The following ZNF239 variants were observed in gnomAD, a reference collection of about 807,000 sequenced individuals.
ZNF239 encodes zinc finger protein (C2H2) homologous to mouse MOK-2.
ZNF239 carries 16 observed loss-of-function variants against 27.5 expected under a neutral mutation model. The ratio of observed to expected loss-of-function variants is 0.58; its 90% confidence interval spans 0.39 to 0.88. The LOEUF (loss-of-function observed/expected upper bound fraction) is 0.88, where lower values mean the gene tolerates loss of function less well. ZNF239 is among the 40% of genes least tolerant of loss of function. The pLI is 0.00. For missense variants in ZNF239, 527 were observed against 551.9 expected, an observed-to-expected ratio of 0.95 and a Z score of 0.45; for synonymous variants, 199 against 192.6, an observed-to-expected ratio of 1.03 and a Z score of -0.27.
intron 3 of ZNF239, among the ~76,000 whole-genome samples, chr10:43,563,984 T>A (rs186834141): frequency 6.6e-6 from 1 of 152,070 alleles, no homozygotes; most frequent in Non-Finnish European, 1.5e-5. Context: ...ATCTACTTTT[T>A]ACCAGGGCCT....
intron 3 of ZNF239, among the ~76,000 whole-genome samples, chr10:43,561,717 T>C (rs1837264556): frequency 6.6e-6 from 1 of 152,176 alleles, no homozygotes; most frequent in African/African-American, 2.4e-5. Context: ...GGCATGGTGG[T>C]TCATGTCTGT....
intron 3 of ZNF239, among the ~76,000 whole-genome samples, chr10:43,561,823 T>G (rs1248183209): frequency 6.6e-6 from 1 of 150,556 alleles, no homozygotes; most frequent in South Asian, 2.1e-4. Context: ...CTCTACAAAA[T>G]ACAAAACAAA....
At chr10:43,566,289 T>C (rs1455450069) in intron 3 of ZNF239, among the ~76,000 whole-genome samples, 1 of 152,042 alleles carries the variant, frequency 6.6e-6, no homozygotes, top group Non-Finnish European at 1.5e-5. Context: ...ATGACACATT[T>C]TTCAGTGTTT....
At chr10:43,562,848 T>C (rs1837357438) in intron 3 of ZNF239, among the ~76,000 whole-genome samples, 1 of 152,022 alleles carries the variant, frequency 6.6e-6, no homozygotes, top group Non-Finnish European at 1.5e-5. Flanking sequence ...TGGGCTGAAA[T>C]GATTAAATGG....
chr10:43,562,588 T>C (rs867545383), intron 3 of ZNF239, among the ~76,000 whole-genome samples: 1 of 152,194 alleles, frequency 6.6e-6, no homozygotes, highest in Non-Finnish European at 1.5e-5. Flanking sequence ...ACATATTGTC[T>C]GGAGTAGGAA....
At chr10:43,571,252 C>T (rs1379787355) in intron 2 of ZNF239, among the ~76,000 whole-genome samples, 1 of 150,478 alleles carries the variant, frequency 6.6e-6, no homozygotes, top group African/African-American at 2.5e-5. Flanking sequence ...TAGAGCCCAT[C>T]TCTGCTGTAT....
chr10:43,561,334 A>AAAACAAACAAAC lies in ZNF239; in HGVS notation c.-92-3175_-92-3164dup, dbSNP rs10647144. 5.8e-3 allele frequency among the ~76,000 whole-genome samples: 881 copies of AAAACAAACAAAC among 150,958 alleles called. 14 individuals are homozygous for AAAACAAACAAAC. Among genetic ancestry groups the AAAACAAACAAAC allele is most frequent in the South Asian group, 0.026 (124 of 4,754 alleles). On this transcript the variant is annotated intron_variant, in intron 3 of 3. Coordinates refer to ENST00000374446, the MANE Select transcript of ZNF239 (RefSeq NM_001099282.2). ...TTTTAAACCTCAGGACTTCAAGGAAAAAACAAACAAACAAACAAACAAACA... is the reference window on the plus strand; with the variant it reads ...TTTTAAACCTCAGGACTTCAAGGAAAAAACAAACAAACAAACAAACAAACAAACAAACAAACA...
chr10:43,572,831 C>G (rs1359629383), intron 2 of ZNF239, among the ~76,000 whole-genome samples: 1 of 152,122 alleles, frequency 6.6e-6, no homozygotes, highest in Non-Finnish European at 1.5e-5. Context: ...AAAAGTACGA[C>G]TTGGTAATTT....
intron 2 of ZNF239, chr10:43,568,562 G>C: frequency 1.5e-6 from 1 of 662,814 alleles, no homozygotes; most frequent in Non-Finnish European, 1.9e-6. Context: ...TCTAAACTAA[G>C]TAGTTGAACA....
intron 3 of ZNF239, among the ~76,000 whole-genome samples, chr10:43,560,872 A>C (rs1444094562): frequency 1.3e-5 from 2 of 152,110 alleles, no homozygotes; most frequent in East Asian, 3.8e-4. Context: ...CATAATTAAA[A>C]TCCCAGAAAA....
intron 2 of ZNF239, among the ~76,000 whole-genome samples, chr10:43,572,887 G>T (rs777596423): frequency 6.6e-6 from 1 of 152,194 alleles, no homozygotes; most frequent in Admixed American, 6.5e-5. Context: ...TAGTGAAAGA[G>T]AACAAATCAA....
intron 2 of ZNF239, among the ~76,000 whole-genome samples, chr10:43,569,705 GCCTTA>G: frequency 6.6e-6 from 1 of 152,180 alleles, no homozygotes; most frequent in East Asian, 1.9e-4. Flanking sequence ...TATAACTTAT[GCCTTA>G]CCTTATTTTC....
chr10:43,558,934 GATGT>G (rs1253294852), intron 3 of ZNF239, among the ~76,000 whole-genome samples: 2 of 152,106 alleles, frequency 1.3e-5, no homozygotes, highest in South Asian at 4.1e-4. Context: ...CAGTACAAGA[GATGT>G]ATGCCTAACC....
intron 3 of ZNF239, among the ~76,000 whole-genome samples, chr10:43,559,785 C>T (rs1260616875): frequency 2.6e-5 from 4 of 151,874 alleles, no homozygotes; most frequent in African/African-American, 9.7e-5. Flanking sequence ...AACAGAAAGG[C>T]TGATATCATC....
rs2132215202 is a variant in ZNF239 at position 43,557,113 on chromosome 10, C to A, written c.967G>T (p.Glu323Ter). The A allele has an allele frequency of 6.2e-7, 1 of 1,607,540 alleles. No homozygotes were observed. Among genetic ancestry groups the A allele is most frequent in the Non-Finnish European group, 8.5e-7 (1 of 1,177,784 alleles). ...CGCTGACTGAAGCTCATACCACACT[C>A]CTCACACTCATAGGGCTTCTCTCCA... is the stretch of plus-strand genomic sequence containing the variant. The part of the protein sequence containing the change: ...HTGEKPYECE[E>*]CGMSFSQRSN... The change falls in exon 4 of 4, where the codon GAG becomes TAG. Residue 323 changes from glutamate to a stop codon, truncating the protein, a stop_gained. Transcript: ENST00000374446. LOFTEE classifies it high-confidence loss of function.
intron 3 of ZNF239, among the ~76,000 whole-genome samples, chr10:43,558,974 A>G (rs1837015690): frequency 6.6e-6 from 1 of 152,198 alleles, no homozygotes; most frequent in Admixed American, 6.5e-5. Flanking sequence ...GCAGAGGAAC[A>G]CTCAACTCAG....
chr10:43,570,340 G>A (rs1837951135), intron 2 of ZNF239: 2 of 985,268 alleles, frequency 2.0e-6, no homozygotes, highest in Non-Finnish European at 2.4e-6. Context: ...AGAAGCAAAG[G>A]TTGCTGCCTT....
chr10:43,561,574 C>A (rs543138436), intron 3 of ZNF239, among the ~76,000 whole-genome samples: 38 of 152,210 alleles, frequency 2.5e-4, no homozygotes, highest in Admixed American at 1.2e-3. Context: ...CTTTCAGACA[C>A]GAAAAGATTC....
chr10:43,558,729 A>C (rs1387890202), intron 3 of ZNF239, among the ~76,000 whole-genome samples: 1 of 152,220 alleles, frequency 6.6e-6, no homozygotes, highest in African/African-American at 2.4e-5. Context: ...GATTACAGGC[A>C]TGAGTCACCA....
Sources: allele counts gnomAD v4.1 joint callset (sites outside exome capture counted in the v4.1 genomes callset), GRCh38; gene constraint gnomAD v4.1.1; transcripts MANE v1.5; gene names NCBI Gene and HGNC (gene_info 2026-07-23, HGNC 2026-07-21).